The following SPATA6 variants were observed in gnomAD, a reference collection of about 807,000 sequenced individuals.
SPATA6 encodes spermatogenesis associated 6.
SPATA6 carries 56 observed loss-of-function variants against 65.3 expected under a neutral mutation model. That is an observed-to-expected ratio of 0.86 (90% CI 0.69 to 1.07). The LOEUF (loss-of-function observed/expected upper bound fraction) is 1.07. Among genes scored for constraint, SPATA6 ranks in the 50% least tolerant of loss-of-function variants. The pLI is 0.00. For missense variants in SPATA6, 590 were observed against 594.8 expected, an observed-to-expected ratio of 0.99 and a Z score of 0.08; for synonymous variants, 199 against 213.2, an observed-to-expected ratio of 0.93 and a Z score of 0.58.
chr1:48,307,161 G>A (rs1053702866), intron 11 of SPATA6, among the ~76,000 whole-genome samples: 3 of 151,228 alleles, frequency 2.0e-5, no homozygotes, highest in African/African-American at 4.8e-5. Flanking sequence ...GCAAAGAAAC[G>A]AAATAAAAAG....
At chr1:48,456,924 T>C (rs1004076777) in intron 1 of SPATA6, among the ~76,000 whole-genome samples, 2 of 151,932 alleles carry the variant, frequency 1.3e-5, no homozygotes, top group Admixed American at 6.6e-5. Context: ...AGAAAGGATA[T>C]CACAAGAAAT....
the SPATA6 span, among the ~76,000 whole-genome samples, chr1:48,282,300 A>G: frequency 6.6e-6 from 1 of 152,190 alleles, no homozygotes; most frequent in Non-Finnish European, 1.5e-5. Context: ...TAAAACACCA[A>G]AAGCAATGGC....
chr1:48,361,013 T>C (rs959431923), intron 9 of SPATA6, among the ~76,000 whole-genome samples: 1 of 152,224 alleles, frequency 6.6e-6, no homozygotes, highest in African/African-American at 2.4e-5. Flanking sequence ...GTTTTGGACA[T>C]ATTAAGCTTC....
At position 48,325,589 on chromosome 1, in the gene SPATA6, GTGGAAATCCAC is replaced by G. The variant is rs1256469954; in HGVS notation, c.1195-19722_1195-19712del. ...TAGATTTCCCTCCTCAATGGTAAAG[GTGGAAATCCAC>G]TTGTTGTGGGCAGTGTTGAACTATG... is the stretch of plus-strand genomic sequence containing the variant. On this transcript the variant is annotated intron_variant, in intron 11 of 12. Coordinates refer to ENST00000371847, the MANE Select transcript of SPATA6 (RefSeq NM_019073.4). 4 of 898,938 alleles carry G rather than the reference GTGGAAATCCAC, an allele frequency of 4.4e-6. No homozygotes were observed. The African/African-American group carries it at 4.9e-5, about 11-fold the overall frequency. The allele number at this position is 898,938 out of a possible 1,614,324, so 55.7% of individuals were successfully genotyped here.
intron 11 of SPATA6, among the ~76,000 whole-genome samples, chr1:48,335,871 C>T (rs1646045566): frequency 6.6e-6 from 1 of 151,974 alleles, no homozygotes; most frequent in African/African-American, 2.4e-5. Flanking sequence ...AGAAACATAT[C>T]TGTAAACGAT....
intron 11 of SPATA6, among the ~76,000 whole-genome samples, chr1:48,313,983 A>C (rs927145986): frequency 6.6e-6 from 1 of 152,244 alleles, no homozygotes; most frequent in African/African-American, 2.4e-5. Context: ...TTCAACAAGA[A>C]GAGCTAACTA....
intron 3 of SPATA6, among the ~76,000 whole-genome samples, chr1:48,442,730 A>AC (rs1267734339): frequency 2.2e-4 from 33 of 149,726 alleles, no homozygotes; most frequent in African/African-American, 5.1e-4. Context: ...AAAAAAAAAA[A>AC]AAAAAAAAAA....
chr1:48,358,698 G>A (rs557669878), intron 10 of SPATA6, among the ~76,000 whole-genome samples: 22 of 152,024 alleles, frequency 1.4e-4, no homozygotes, highest in Non-Finnish European at 2.5e-4. Context: ...GTGTGTGTGC[G>A]CACCTATGTT....
chr1:48,368,343 C>T (rs193245640), intron 9 of SPATA6, among the ~76,000 whole-genome samples: 2 of 152,268 alleles, frequency 1.3e-5, no homozygotes, highest in East Asian at 1.9e-4. Context: ...TGTTGGTCTG[C>T]CTTGCTAGAT....
chr1:48,292,121 A>G (rs970775663), downstream of SPATA6, among the ~76,000 whole-genome samples: 9 of 152,100 alleles, frequency 5.9e-5, no homozygotes, highest in Non-Finnish European at 1.0e-4. Context: ...AGTTTTCTGA[A>G]TTTTCATGCT....
chr1:48,314,544 G>T (rs1343727610), intron 11 of SPATA6, among the ~76,000 whole-genome samples: 1 of 152,176 alleles, frequency 6.6e-6, no homozygotes, highest in Admixed American at 6.5e-5. Context: ...TTAAAGCACT[G>T]TGTAGCGGGA....
chr1:48,465,594 T>C (rs572400207), intron 1 of SPATA6, among the ~76,000 whole-genome samples: 1 of 152,202 alleles, frequency 6.6e-6, no homozygotes, highest in African/African-American at 2.4e-5. Context: ...AATACAGAAA[T>C]ACTTTATAAG....
intron 12 of SPATA6, among the ~76,000 whole-genome samples, chr1:48,299,925 T>C (rs1171408454): frequency 2.0e-5 from 3 of 152,042 alleles, no homozygotes; most frequent in African/African-American, 7.2e-5. Context: ...AGGCTAACTG[T>C]GAACATTTGT....
At chr1:48,359,263 T>C (rs1646742376) in intron 10 of SPATA6, among the ~76,000 whole-genome samples, 1 of 152,152 alleles carries the variant, frequency 6.6e-6, no homozygotes, top group Non-Finnish European at 1.5e-5. Flanking sequence ...GTGTTTACAC[T>C]TAAGGCAAGC....
At chr1:48,307,614 G>A (rs1235236330) in intron 11 of SPATA6, among the ~76,000 whole-genome samples, 2 of 151,408 alleles carry the variant, frequency 1.3e-5, no homozygotes, top group East Asian at 1.9e-4. Context: ...GAAATTTTAA[G>A]TAATATAATG....
Position 48,325,486 on chromosome 1 carries a change from T to C in SPATA6, c.1195-19608A>G, listed in dbSNP as rs1398833065. ...AATCGACAAACTGAGGGATCCACAT[T>C]CTCTGAGTTGATGATCTCATCATCC... On this transcript the variant is annotated intron_variant, in intron 11 of 12. Transcript: ENST00000371847. The C allele has an allele frequency of 9.1e-6, 11 of 1,208,944 alleles. No individual in the cohort carries two copies. The East Asian group carries it at 9.4e-5, about 10-fold the overall frequency. 74.9% of individuals were successfully genotyped at this position (1,208,944 alleles called of 1,614,324 possible). A position where few individuals can be genotyped will look rare whatever the true frequency, so the allele number is the denominator to read the frequency against.
At chr1:48,275,840 G>A in the SPATA6 span, among the ~76,000 whole-genome samples, 2 of 152,152 alleles carry the variant, frequency 1.3e-5, no homozygotes, top group Admixed American at 6.5e-5. Flanking sequence ...GGATGATGCT[G>A]GACTCATAAA....
At chr1:48,319,537 C>T (rs371377714) in intron 11 of SPATA6, among the ~76,000 whole-genome samples, 1 of 152,060 alleles carries the variant, frequency 6.6e-6, no homozygotes, top group Non-Finnish European at 1.5e-5. Context: ...ACCAGAGAAG[C>T]CATGAAAATC....
chr1:48,426,755 A>G (rs974407726), intron 3 of SPATA6, among the ~76,000 whole-genome samples: 2 of 152,134 alleles, frequency 1.3e-5, no homozygotes, highest in African/African-American at 4.8e-5. Flanking sequence ...AATTCCTACA[A>G]TGACAGCAGC....
Sources: allele counts gnomAD v4.1 joint callset (sites outside exome capture counted in the v4.1 genomes callset), GRCh38; gene constraint gnomAD v4.1.1; transcripts MANE v1.5; gene names NCBI Gene and HGNC (gene_info 2026-07-23, HGNC 2026-07-21).